TLE6: variants seen among roughly 807,000 people sequenced by gnomAD.
TLE6 encodes transducin-like enhancer protein 6.
In TLE6, 72 loss-of-function variants were observed where a neutral mutation model predicts 77.1. That is an observed-to-expected ratio of 0.93 (90% CI 0.77 to 1.14). The LOEUF (loss-of-function observed/expected upper bound fraction) is 1.14, where lower values mean the gene tolerates loss of function less well. Ranked by LOEUF, TLE6 falls within the 50% of genes most tolerant of loss-of-function variation. The pLI is 0.00. For synonymous variants in TLE6, 366 were observed against 287.3 expected (o/e 1.27, Z -2.77); for missense variants, 843 against 747.6 (o/e 1.13, Z -1.49).
At position 2,987,610 on chromosome 19, in the gene TLE6, C is replaced by T. The variant is rs180717723; in HGVS notation, c.559-114C>T. 1.5e-3 allele frequency: 1,911 copies of T among 1,298,970 alleles called. 2 individuals are homozygous for T. The highest frequency in any genetic ancestry group is 1.9e-3 in the Non-Finnish European group (1,709 of 901,612). 80.5% of individuals were successfully genotyped at this position (1,298,970 alleles called of 1,614,324 possible). ...CTCTCTCTGCAACTCTGCCTGGACC[C>T]GCAGACAGGACCCCAGGCAGCTGAC... is the stretch of plus-strand genomic sequence containing the variant. On this transcript the variant is annotated intron_variant, in intron 8 of 16. Transcript: ENST00000246112.
At position 2,980,102 on chromosome 19, in the gene TLE6, T is replaced by A; in HGVS notation, c.54T>A (p.Pro18=). ...RPKGPPKSTS[P]CPGISNSESS... is the part of the protein sequence containing the mutation. ...TAACCTTGCTTTGACCTTTCCAGCC[T>A]TGTCCTGGGATCTCGAACTCTGAGA... The change falls in exon 3 of 17, where the codon CCT becomes CCA. Residue 18 remains proline (P), a splice_region_variant and synonymous_variant. Transcript: ENST00000246112. The A allele has an allele frequency of 3.2e-6, 5 of 1,550,212 alleles. No individual in the cohort carries two copies. The highest frequency in any genetic ancestry group is 4.4e-6 in the Non-Finnish European group (5 of 1,145,976).
chr19:2,984,044 C>T (rs1261024155), intron 5 of TLE6: 1 of 152,258 alleles, frequency 6.6e-6, no homozygotes, highest in East Asian at 1.9e-4. Flanking sequence ...CTGGGCAGTC[C>T]GCTTCCCCCA....
At chr19:2,987,667 G>A (rs745835492) in intron 8 of TLE6, 57 bp from the exon 9 acceptor site, 4 of 1,596,208 alleles carry the variant, frequency 2.5e-6, no homozygotes, top group East Asian at 4.5e-5. Flanking sequence ...GGAATCCGAG[G>A]TCTTCTGGTC....
chr19:2,981,485 G>A, intron 3 of TLE6, 53 bp from the exon 4 acceptor site: 2 of 1,541,476 alleles, frequency 1.3e-6, no homozygotes, highest in Non-Finnish European at 1.8e-6. Flanking sequence ...GCTCACTCTG[G>A]GGAGGGAGTC....
At chr19:2,986,273 G>A (rs2088908184) in intron 5 of TLE6, among the ~76,000 whole-genome samples, 1 of 151,382 alleles carries the variant, frequency 6.6e-6, no homozygotes, top group African/African-American at 2.4e-5. Context: ...TAAATTAGCT[G>A]AGCGTGGTGG....
chr19:2,981,025 C>G (rs962706065), intron 3 of TLE6, among the ~76,000 whole-genome samples: 2 of 150,752 alleles, frequency 1.3e-5, no homozygotes, highest in South Asian at 4.2e-4. Context: ...CACCCTAGCC[C>G]GGGCAACAGG....
chr19:2,983,674 T>A (rs2088845586), intron 5 of TLE6, among the ~76,000 whole-genome samples: 1 of 151,266 alleles, frequency 6.6e-6, no homozygotes, highest in Non-Finnish European at 1.5e-5. Flanking sequence ...AGGGAGGACT[T>A]GGGCTTTGAA....
In TLE6 at chr19:2,993,574, C is replaced by A. The variant is rs767222404; in HGVS notation, c.1529C>A (p.Ser510Tyr). 1 of 1,562,474 alleles carries A rather than the reference C, an allele frequency of 6.4e-7. No homozygotes were observed. The highest frequency in any genetic ancestry group is 1.7e-4 in the Middle Eastern group (1 of 5,790). The change falls in exon 15 of 17, where the codon TCC becomes TAC. Residue 510 changes from serine (S) to tyrosine (Y), a missense_variant. By Grantham distance (144) the Ser-to-Tyr change is moderately radical (BLOSUM62 -2). Coordinates refer to ENST00000246112, the MANE Select transcript of TLE6 (RefSeq NM_001143986.2). The stretch of plus-strand genomic sequence containing the variant: ...AGCGTCATCCTGAGCGTCAAGTTCT[C>A]CCCCTTTGGTAAGCGGCTGGCGGAA... ...KDSVILSVKF[S>Y]PFGQWWASVG...
intron 7 of TLE6, 32 bp from the exon 8 acceptor site, chr19:2,987,324 C>G (rs780776200): frequency 1.5e-5 from 24 of 1,614,098 alleles, no homozygotes; most frequent in East Asian, 2.2e-5. Flanking sequence ...TTCTCTCTGT[C>G]CCCCTCCTCC....
At chr19:2,987,640 C>T in intron 8 of TLE6, 84 bp from the exon 9 acceptor site, 2 of 1,487,868 alleles carry the variant, frequency 1.3e-6, no homozygotes, top group Non-Finnish European at 1.9e-6. Flanking sequence ...GCTGACAAGC[C>T]CTGTGCAAGC....
rs1404291833 is a variant in TLE6 at position 2,989,291 on chromosome 19, C to T, written c.971C>T (p.Pro324Leu). ...GGACAGGTGGCTGAGGACAGGTTCC[C>T]TGAGAGCCACCTGCCTATACAGGTG... Reference protein sequence around the residue: ...LTGQVAEDRFPESHLPIQTPG... With the variant: ...LTGQVAEDRFLESHLPIQTPG... Residue 324 changes from proline (P) to leucine (L), a missense_variant, in exon 12 of 17, where the codon CCT becomes CTT. By Grantham distance (98) the Pro-to-Leu change is moderately conservative (BLOSUM62 -3). Coordinates refer to ENST00000246112, the MANE Select transcript of TLE6 (RefSeq NM_001143986.2). The T allele has an allele frequency of 2.5e-6, 4 of 1,613,056 alleles. No individual in the cohort carries two copies.
chr19:2,990,926 C>T (rs1316330176), intron 13 of TLE6, among the ~76,000 whole-genome samples: 2 of 148,222 alleles, frequency 1.3e-5, no homozygotes, highest in African/African-American at 2.5e-5. Flanking sequence ...GCTTGAGAAG[C>T]GGAGTTTGTG....
intron 14 of TLE6, among the ~76,000 whole-genome samples, chr19:2,993,201 A>G (rs1458230462): frequency 6.6e-6 from 1 of 152,084 alleles, no homozygotes; most frequent in African/African-American, 2.4e-5. Context: ...ACAGAGCGAG[A>G]CTCCGTCTCA....
At chr19:2,977,728 G>A (rs1018978953) in intron 1 of TLE6, 118 bp downstream of exon 1, 1 of 155,384 alleles carries the variant, frequency 6.4e-6, no homozygotes, top group Non-Finnish European at 1.4e-5. Flanking sequence ...AAGAAGCTGG[G>A]TGCTGCAGCA....
chr19:2,993,678 C>T (rs2145074299), intron 15 of TLE6, 96 bp downstream of exon 15: 3 of 1,427,844 alleles, frequency 2.1e-6, no homozygotes, highest in Middle Eastern at 2.4e-4. Flanking sequence ...CCCTCTAGGA[C>T]ACCTCAGAAC....
intron 11 of TLE6, 123 bp downstream of exon 11, chr19:2,988,251 C>T: frequency 9.3e-7 from 1 of 1,074,256 alleles, no homozygotes; most frequent in Middle Eastern, 2.9e-4. Flanking sequence ...CCCCTTTTCC[C>T]ATCACTACTC....
intron 9 of TLE6, 32 bp downstream of exon 9, chr19:2,987,822 C>T (rs1215313999): frequency 1.2e-6 from 2 of 1,614,062 alleles, no homozygotes; most frequent in Non-Finnish European, 1.7e-6. Context: ...CGACCGACTC[C>T]AGGCGGGATG....
intron 16 of TLE6, among the ~76,000 whole-genome samples, chr19:2,994,536 G>GAGGTC (rs2089164771): frequency 6.6e-6 from 1 of 152,218 alleles, no homozygotes; most frequent in African/African-American, 2.4e-5. Flanking sequence ...CGTGAGCCAG[G>GAGGTC]GAGGCGGAGC....
intron 14 of TLE6, among the ~76,000 whole-genome samples, chr19:2,992,793 A>AACGGCG (rs1487334518): frequency 5.1e-5 from 1 of 19,760 alleles, no homozygotes; most frequent in African/African-American, 2.6e-4. Context: ...AAAAAAAAAA[A>AACGGCG]GGGGGGGAGG....
Sources: gnomAD v4.1 joint callset for allele counts (sites outside exome capture counted in the v4.1 genomes callset) on GRCh38, gnomAD v4.1.1 for gene constraint, MANE v1.5 for transcripts, NCBI Gene and HGNC (gene_info 2026-07-23, HGNC 2026-07-21) for gene names.